MYO10: variants seen among roughly 807,000 people sequenced by gnomAD.
The protein encoded by MYO10 is myosin X, also known as unconventional myosin-X.
Under a neutral mutation model 257.3 loss-of-function variants are expected in MYO10, and 133 were observed. The ratio of observed to expected loss-of-function variants is 0.52; its 90% CI spans 0.45 to 0.60. The LOEUF (loss-of-function observed/expected upper bound fraction) is 0.60, where lower values mean the gene tolerates loss of function less well. Ranked by LOEUF, MYO10 falls within the 20% of genes least tolerant of loss-of-function variation. MYO10 has a pLI of 0.00. For synonymous variants in MYO10, 1,104 were observed against 1,028.6 expected (o/e 1.07, Z -1.40); for missense variants, 2,399 against 2,635.7 (o/e 0.91, Z 1.97).
At chr5:16,740,391 G>C (rs541798479) in intron 19 of MYO10, among the ~76,000 whole-genome samples, 1 of 152,296 alleles carries the variant, frequency 6.6e-6, no homozygotes, top group South Asian at 2.1e-4. Flanking sequence ...TAGACGGACA[G>C]GGGTGGGAGT....
chr5:16,678,586 AAAAC>A (rs558665480), intron 33 of MYO10, among the ~76,000 whole-genome samples: 148 of 152,350 alleles, frequency 9.7e-4, no homozygotes, highest in Non-Finnish European at 1.6e-3. Flanking sequence ...CCTCCGTCTC[AAAAC>A]AAACAAAAAA....
intron 4 of MYO10, among the ~76,000 whole-genome samples, chr5:16,789,951 G>T (rs1047186280): frequency 6.6e-6 from 1 of 152,042 alleles, no homozygotes; most frequent in African/African-American, 2.4e-5. Context: ...GAATACACAA[G>T]AATAAGTCTT....
intron 2 of MYO10, among the ~76,000 whole-genome samples, chr5:16,833,212 GGTTT>G (rs1298024903): frequency 5.0e-5 from 7 of 139,940 alleles, no homozygotes; most frequent in Middle Eastern, 3.5e-3. Context: ...TATTTTACTA[GGTTT>G]GTTTTTTTTT....
chr5:16,672,517 G>C (rs893157334), intron 37 of MYO10, among the ~76,000 whole-genome samples, 172 bp downstream of exon 37: 1 of 152,056 alleles, frequency 6.6e-6, no homozygotes, highest in Non-Finnish European at 1.5e-5. Flanking sequence ...CTTTATCTAG[G>C]AATCGAGAAA....
intron 1 of MYO10, among the ~76,000 whole-genome samples, chr5:16,906,742 G>C (rs1474268087): frequency 2.0e-5 from 3 of 152,274 alleles, no homozygotes; most frequent in Admixed American, 1.3e-4. Context: ...AGAAGTGCCA[G>C]AAGTTACCCT....
At chr5:16,666,910 C>G in intron 40 of MYO10, 117 bp from the exon 41 acceptor site, 1 of 741,876 alleles carries the variant, frequency 1.3e-6, no homozygotes, top group East Asian at 2.9e-5. Context: ...TGCTAATCGA[C>G]GGATCCCATT....
In MYO10 at chr5:16,902,642, C is replaced by T. The variant is rs1745415158; in HGVS notation, c.22-24935G>A. On this transcript the variant is annotated intron_variant, in intron 1 of 40. Coordinates refer to ENST00000513610, the MANE Select transcript of MYO10 (RefSeq NM_012334.3). The stretch of plus-strand genomic sequence containing the variant: ...CATTGTTCCTTCTTTTCTTTGTCAT[C>T]TTGGAAGCATGGACCGGAGAGAGGC... The T allele has an allele frequency of 4.9e-6, 7 of 1,432,598 alleles. No individual in the cohort carries two copies. The South Asian group carries it at 8.0e-5, about 16-fold the overall frequency. 88.7% of individuals were successfully genotyped at this position (1,432,598 alleles called of 1,614,324 possible).
In MYO10 at chr5:16,758,195, C is replaced by G. The variant is rs1372573559; in HGVS notation, c.1771G>C (p.Val591Leu). ...GTATCCTGGTTGTTGCGGCTTGAAACATGTTCAAAAAGATCGTAGATAAAG... is the reference window on the plus strand; with the variant it reads ...GTATCCTGGTTGTTGCGGCTTGAAAGATGTTCAAAAAGATCGTAGATAAAG... ...FDFIYDLFEH[V>L]SSRNNQDTLK... The change falls in exon 18 of 41, where the codon GTT becomes CTT. Residue 591 changes from valine (V) to leucine (L), a missense_variant. Transcript: ENST00000513610. The G allele has an allele frequency of 1.2e-6, 2 of 1,613,392 alleles. No individual in the cohort carries two copies. The highest frequency in any genetic ancestry group is 2.7e-5 in the African/African-American group (2 of 74,896).
chr5:16,864,590 A>G (rs1334546509), intron 2 of MYO10, among the ~76,000 whole-genome samples: 1 of 152,218 alleles, frequency 6.6e-6, no homozygotes, highest in Non-Finnish European at 1.5e-5. Context: ...TCCCAGGAGA[A>G]AGGACAAGAG....
chr5:16,818,404 GTGTGTGTATA>G lies in MYO10; in HGVS notation c.121-247_121-238del, dbSNP rs1444599395. Among the ~76,000 whole-genome samples the G allele has an allele frequency of 3.7e-4, 44 of 119,534 alleles. No homozygotes were observed. In the South Asian group the frequency reaches 5.3e-3, roughly 14 times the overall value. The allele number at this position is 119,534 out of a possible 152,430, so 78.4% of individuals were successfully genotyped here. A position where few individuals can be genotyped will look rare whatever the true frequency, so the allele number is the denominator to read the frequency against. ...TGCGTGTGTGTGTGTGTGTGTGTGT[GTGTGTGTATA>G]TATATATATATACACATATCTTTGT... On this transcript the variant is annotated intron_variant, in intron 2 of 40. Transcript: ENST00000513610.
intron 19 of MYO10, among the ~76,000 whole-genome samples, chr5:16,747,989 T>C (rs921940103): frequency 2.9e-5 from 3 of 104,256 alleles, no homozygotes; most frequent in Non-Finnish European, 4.6e-5. Context: ...GAGAAAAAGA[T>C]AGAGGAAGAA....
intron 35 of MYO10, among the ~76,000 whole-genome samples, chr5:16,674,284 A>G (rs1736618044): frequency 2.0e-5 from 3 of 152,158 alleles, no homozygotes; most frequent in Admixed American, 6.5e-5. Context: ...CCTGGCCAAC[A>G]CGGTGAAACC....
intron 2 of MYO10, among the ~76,000 whole-genome samples, chr5:16,823,594 C>G (rs934170740): frequency 2.0e-5 from 3 of 148,656 alleles, no homozygotes; most frequent in African/African-American, 7.4e-5. Flanking sequence ...GCCTCAGCCT[C>G]CCGAGTAGCT....
chr5:16,896,880 T>C (rs1310671376), intron 1 of MYO10, among the ~76,000 whole-genome samples: 1 of 151,936 alleles, frequency 6.6e-6, no homozygotes, highest in African/African-American at 2.4e-5. Context: ...AATTCGGTGA[T>C]TCTCAAACCT....
Position 16,794,770 on chromosome 5 carries a change from G to T in MYO10, c.343C>A (p.Pro115Thr), listed in dbSNP as rs754177513. ...CGGCTGTACTGCTCCATGGTGGCAG[G>T]CTCGTACAGCCCGGCGATGGGCTGG... ...PYQPIAGLYEPATMEQYSRRH... is the reference protein window; with the variant it reads ...PYQPIAGLYETATMEQYSRRH... The change falls in exon 4 of 41, where the codon CCT (proline) becomes ACT (threonine). Residue 115 changes from proline to threonine, a missense_variant. By Grantham distance (38) the Pro-to-Thr change is conservative. Coordinates refer to ENST00000513610, the MANE Select transcript of MYO10 (RefSeq NM_012334.3). The T allele has an allele frequency of 8.1e-6, 13 of 1,608,288 alleles. No homozygotes were observed. Among genetic ancestry groups the T allele is most frequent in the Middle Eastern group, 1.7e-4 (1 of 6,058 alleles).
intron 3 of MYO10, chr5:16,815,432 T>G: frequency 1.4e-6 from 1 of 701,110 alleles, no homozygotes; most frequent in Non-Finnish European, 2.6e-6. Flanking sequence ...GATTTGGAGT[T>G]TTTGGATTAG....
At chr5:16,684,438 G>A (rs559538127) in intron 29 of MYO10, among the ~76,000 whole-genome samples, 3 of 152,200 alleles carry the variant, frequency 2.0e-5, no homozygotes, top group African/African-American at 4.8e-5. Flanking sequence ...ATGGGGTCTC[G>A]CCATGTTGGC....
chr5:16,805,458 C>CAAA lies in MYO10; in HGVS notation c.280-10628_280-10626dup, dbSNP rs36126574. ...CGGGCAACACAGTGAGACTCCATCTCAAAAAAAAAAAAAAAAAAAAAAGAA... is the reference window on the plus strand; with the variant it reads ...CGGGCAACACAGTGAGACTCCATCTCAAAAAAAAAAAAAAAAAAAAAAAAAGAA... On this transcript the variant is annotated intron_variant, in intron 3 of 40. Coordinates refer to ENST00000513610, the MANE Select transcript of MYO10 (RefSeq NM_012334.3). Among the ~76,000 whole-genome samples the CAAA allele has an allele frequency of 1.9e-3, 151 of 77,884 alleles. 3 individuals carry two copies. Among genetic ancestry groups the CAAA allele is most frequent in the Non-Finnish European group, 2.3e-3 (98 of 41,830 alleles). The allele number at this position is 77,884 out of a possible 152,430, so 51.1% of individuals were successfully genotyped here. A position where few individuals can be genotyped will look rare whatever the true frequency, so the allele number is the denominator to read the frequency against.
chr5:16,748,493 C>A (rs559090730), intron 19 of MYO10, among the ~76,000 whole-genome samples: 2 of 150,304 alleles, frequency 1.3e-5, no homozygotes, highest in East Asian at 3.9e-4. Context: ...GATCCGCGCC[C>A]CCCCGCCCCC....
Sources: gnomAD v4.1 joint callset for allele counts (sites outside exome capture counted in the v4.1 genomes callset) on GRCh38, gnomAD v4.1.1 for gene constraint, MANE v1.5 for transcripts, NCBI Gene and HGNC (gene_info 2026-07-23, HGNC 2026-07-21) for gene names.